MDFIC2: variants seen among roughly 807,000 people sequenced by gnomAD.
MDFIC2 encodes myoD family inhibitor domain-containing protein 2.
rs184192854 is a variant in MDFIC2, at chr3:70,198,390, A to G, written c.311-1205T>C. ...TATAAGTGCTCTTATCGCCGTATTCATTTACTTTTATTTTCCAGAAAGCTC... is the reference window on the plus strand; with the variant it reads ...TATAAGTGCTCTTATCGCCGTATTCGTTTACTTTTATTTTCCAGAAAGCTC... On this transcript the variant is annotated intron_variant, in intron 3 of 3. Coordinates refer to ENST00000567252, the MANE Select transcript of MDFIC2 (RefSeq NM_001364677.1). 3.3e-3 allele frequency among the ~76,000 whole-genome samples: 499 copies of G among 152,264 alleles called. 5 individuals carry two copies. The highest frequency in any genetic ancestry group is 0.011 in the African/African-American group (472 of 41,560).
At chr3:70,277,668 G>T (rs1468729691) in intron 2 of MDFIC2, among the ~76,000 whole-genome samples, 1 of 152,120 alleles carries the variant, frequency 6.6e-6, no homozygotes, top group Non-Finnish European at 1.5e-5. Flanking sequence ...GTCGAGTATG[G>T]GGAGGATCTC....
chr3:70,236,439 A>G (rs1701609804), intron 2 of MDFIC2, among the ~76,000 whole-genome samples: 1 of 152,134 alleles, frequency 6.6e-6, no homozygotes, highest in African/African-American at 2.4e-5. Context: ...TTTGTTTATT[A>G]GCCTTAAGAT....
At chr3:70,275,769 T>C (rs946454190) in intron 2 of MDFIC2, among the ~76,000 whole-genome samples, 10 of 152,212 alleles carry the variant, frequency 6.6e-5, no homozygotes, top group Non-Finnish European at 1.0e-4. Flanking sequence ...TTTCAGAAGT[T>C]TATAGCATAT....
At position 70,195,902 on chromosome 3, in the gene MDFIC2, T is replaced by TA. The variant is rs1298772403; in HGVS notation, c.*1023dup. On this transcript the variant is annotated 3_prime_UTR_variant, in exon 4 of 4. Transcript: ENST00000567252. The stretch of plus-strand genomic sequence containing the variant: ...TCCAGTCTATATCACATCTTTTTCT[T>TA]AAAAAAATAAGTAAAATAAGTACTT... Among the ~76,000 whole-genome samples the TA allele has an allele frequency of 2.6e-5, 4 of 152,272 alleles. No homozygotes were observed. The highest frequency in any genetic ancestry group is 1.3e-4 in the Admixed American group (2 of 15,294).
intron 2 of MDFIC2, among the ~76,000 whole-genome samples, chr3:70,220,012 A>C (rs1490435016): frequency 6.6e-6 from 1 of 152,174 alleles, no homozygotes; most frequent in Non-Finnish European, 1.5e-5. Context: ...ATTCTAAAAA[A>C]TATTTTGAAT....
At chr3:70,287,013 T>TA (rs1702172647) in intron 2 of MDFIC2, among the ~76,000 whole-genome samples, 1 of 149,186 alleles carries the variant, frequency 6.7e-6, no homozygotes, top group Non-Finnish European at 1.5e-5. Context: ...ACAGGGACAA[T>TA]TTGACTTCCT....
intron 2 of MDFIC2, among the ~76,000 whole-genome samples, chr3:70,236,457 C>T (rs1701609873): frequency 6.6e-6 from 1 of 152,194 alleles, no homozygotes; most frequent in African/African-American, 2.4e-5. Context: ...GATATTCCCA[C>T]TTGCAACATG....
At chr3:70,199,627 A>G (rs1427279531) in intron 3 of MDFIC2, among the ~76,000 whole-genome samples, 2 of 152,188 alleles carry the variant, frequency 1.3e-5, no homozygotes, top group Non-Finnish European at 2.9e-5. Context: ...ATAGTTCTAC[A>G]TGAGCAGGTA....
intron 2 of MDFIC2, among the ~76,000 whole-genome samples, chr3:70,276,515 T>C (rs966150108): frequency 1.3e-5 from 2 of 152,210 alleles, no homozygotes; most frequent in South Asian, 4.1e-4. Context: ...TTAAGAATTA[T>C]GATTCATTCC....
chr3:70,299,188 G>A (rs1406278218), intron 2 of MDFIC2, among the ~76,000 whole-genome samples: 1 of 152,082 alleles, frequency 6.6e-6, no homozygotes, highest in African/African-American at 2.4e-5. Flanking sequence ...AATACTATAT[G>A]TAGAGCCATT....
chr3:70,258,243 C>T (rs1020532247), intron 2 of MDFIC2, among the ~76,000 whole-genome samples: 2 of 152,080 alleles, frequency 1.3e-5, no homozygotes, highest in African/African-American at 4.8e-5. Flanking sequence ...GCAACAATTT[C>T]TTAGATCAGA....
chr3:70,235,265 C>T (rs1316246563), intron 2 of MDFIC2, among the ~76,000 whole-genome samples: 1 of 152,142 alleles, frequency 6.6e-6, no homozygotes, highest in Non-Finnish European at 1.5e-5. Context: ...CTGACTGCTT[C>T]CTCCCTCTGG....
intron 2 of MDFIC2, among the ~76,000 whole-genome samples, chr3:70,290,433 G>T (rs1312866043): frequency 2.0e-5 from 3 of 152,188 alleles, no homozygotes; most frequent in Admixed American, 6.5e-5. Flanking sequence ...ATCTCCAGCT[G>T]CGTACTGGGA....
intron 2 of MDFIC2, among the ~76,000 whole-genome samples, chr3:70,216,786 G>T (rs1038847216): frequency 6.6e-6 from 1 of 152,036 alleles, no homozygotes; most frequent in Non-Finnish European, 1.5e-5. Context: ...GGCAGATTTT[G>T]CCCCCCAAGG....
Position 70,234,098 on chromosome 3 carries a change from A to C in MDFIC2, c.89-27308T>G, listed in dbSNP as rs531947712. On this transcript the variant is annotated intron_variant, in intron 2 of 3. Transcript: ENST00000567252. ...TCTGATACACACATTAAGAATAAAA[A>C]GACTGGAGTCATATCTAATGAGACC... Among the ~76,000 whole-genome samples the C allele has an allele frequency of 1.6e-4, 24 of 152,300 alleles. No homozygotes were observed. In the South Asian group the frequency reaches 5.0e-3, roughly 32 times the overall value.
At chr3:70,258,475 A>G (rs1701837741) in intron 2 of MDFIC2, among the ~76,000 whole-genome samples, 1 of 152,158 alleles carries the variant, frequency 6.6e-6, no homozygotes, top group African/African-American at 2.4e-5. Context: ...CTCTGGGTTC[A>G]ACCGAAACTG....
At chr3:70,212,775 G>T (rs1357609256) in intron 2 of MDFIC2, among the ~76,000 whole-genome samples, 1 of 151,318 alleles carries the variant, frequency 6.6e-6, no homozygotes, top group South Asian at 2.1e-4. Context: ...ACTATTACCT[G>T]AATATTTTCC....
chr3:70,288,154 G>T (rs1244441132), intron 2 of MDFIC2, among the ~76,000 whole-genome samples: 5 of 143,704 alleles, frequency 3.5e-5, no homozygotes, highest in East Asian at 2.0e-4. Context: ...TGATGTTAGG[G>T]TGTCAATTTT....
At chr3:70,302,697 G>A (rs892307170) in intron 2 of MDFIC2, 1 of 152,196 alleles carries the variant, frequency 6.6e-6, no homozygotes, top group African/African-American at 2.4e-5. Flanking sequence ...GGTGAGCTAA[G>A]ATCATTCTGG....
Sources: allele counts gnomAD v4.1 joint callset (sites outside exome capture counted in the v4.1 genomes callset), GRCh38; gene constraint gnomAD v4.1.1; transcripts MANE v1.5; gene names NCBI Gene and HGNC (gene_info 2026-07-23, HGNC 2026-07-21).